The following B2M variants were observed in gnomAD, a reference collection of about 807,000 sequenced individuals.
The protein encoded by B2M is beta chain of MHC class I molecules.
B2M carries 3 observed loss-of-function variants against 14.5 expected under a neutral mutation model. The observed-to-expected ratio is 0.21, with a 90% CI of 0.09 to 0.53. B2M has a LOEUF of 0.53. Ranked by LOEUF, B2M falls within the 20% of genes least tolerant of loss-of-function variation. The probability of loss-of-function intolerance (pLI) is 0.95; values close to 1 mark genes in which losing one functional copy is unlikely to be tolerated. For synonymous variants in B2M, 45 were observed against 52.7 expected, an observed-to-expected ratio of 0.85 and a Z score of 0.64; for missense variants, 107 against 140.8, an observed-to-expected ratio of 0.76 and a Z score of 1.21.
In B2M at chr15:44,711,523, G is replaced by A. The variant is rs2086863629; in HGVS notation, c.-24G>A. On this transcript the variant is annotated 5_prime_UTR_variant, in exon 1 of 4. Coordinates refer to ENST00000648006, the MANE Select transcript of B2M (RefSeq NM_004048.4). ...AGGCGTCGCGCTGGCGGGCATTCCTGAAGCTGACAGCATTCGGGCCGAGAT... is the reference window on the plus strand; with the variant it reads ...AGGCGTCGCGCTGGCGGGCATTCCTAAAGCTGACAGCATTCGGGCCGAGAT... 1.2e-6 allele frequency: 2 copies of A among 1,613,270 alleles called. No individual in the cohort carries two copies. Among genetic ancestry groups the A allele is most frequent in the East Asian group, 2.2e-5 (1 of 44,882 alleles).
rs1440025860 is a variant in B2M at position 44,711,578 on chromosome 15, C to T, written c.32C>T (p.Ala11Val). The T allele has an allele frequency of 6.2e-7, 1 of 1,613,928 alleles. No individual in the cohort carries two copies. The highest frequency in any genetic ancestry group is 1.7e-5 in the Admixed American group (1 of 60,026). The change falls in exon 1 of 4, where the codon GCG becomes GTG. Residue 11 changes from alanine to valine, a missense_variant. Coordinates refer to ENST00000648006, the MANE Select transcript of B2M (RefSeq NM_004048.4). ...CGCTCCGTGGCCTTAGCTGTGCTCG[C>T]GCTACTCTCTCTTTCTGGCCTGGAG... MSRSVALAVL[A>V]LLSLSGLEAI...
chr15:44,712,648 T>C (rs2141286275), intron 1 of B2M: 1 of 152,426 alleles, frequency 6.6e-6, no homozygotes, highest in Middle Eastern at 3.4e-3. Flanking sequence ...GGGCTTCCTC[T>C]TTGGCTCTTT....
rs1167109536 is a variant in B2M at position 44,711,628 on chromosome 15, C to T, written c.67+15C>T. 6.2e-7 allele frequency: 1 copy of T among 1,610,212 alleles called. No individual in the cohort carries two copies. The highest frequency in any genetic ancestry group is 8.5e-7 in the Non-Finnish European group (1 of 1,177,182). On this transcript the variant is annotated intron_variant, in intron 1 of 3. Transcript: ENST00000648006. ...GGCTATCCAGCGTGAGTCTCTCCTA[C>T]CCTCCCGCTCTGGTCCTTCCTCTCC...
rs369619235 is a variant in B2M, at chr15:44,716,579, G to A, written c.*14+223G>A. 1,119 of 585,152 alleles carry A rather than the reference G, an allele frequency of 1.9e-3. 26 individuals carry two copies. The South Asian group carries it at 0.023, about 12-fold the overall frequency. 36.2% of individuals were successfully genotyped at this position (585,152 alleles called of 1,614,324 possible). A position where few individuals can be genotyped will look rare whatever the true frequency, so the allele number is the denominator to read the frequency against. ...CATATTACTGACCCTCTACAGAGAG[G>A]GCAAAGGAACTGCCAGTATGGTATT... On this transcript the variant is annotated intron_variant, in intron 3 of 3. Transcript: ENST00000648006.
intron 1 of B2M, 171 bp from the exon 2 acceptor site, chr15:44,715,252 T>C: frequency 1.4e-6 from 1 of 730,920 alleles, no homozygotes; most frequent in Non-Finnish European, 2.4e-6. Flanking sequence ...TTCTTCAAAA[T>C]GGAGGTGGCT....
At position 44,716,055 on chromosome 15, in the gene B2M, A is replaced by G. The variant is rs1039610928; in HGVS notation, c.347-274A>G. Reference sequence around the variant, plus strand: ...CAGGTATATTTAGCACTGAACGAACATCTCAAGAAGGTATAGGCCTTTGTT... The same window carrying G: ...CAGGTATATTTAGCACTGAACGAACGTCTCAAGAAGGTATAGGCCTTTGTT... On this transcript the variant is annotated intron_variant, in intron 2 of 3. Coordinates refer to ENST00000648006, the MANE Select transcript of B2M (RefSeq NM_004048.4). 52 of 602,602 alleles carry G rather than the reference A, an allele frequency of 8.6e-5. No individual in the cohort carries two copies. The African/African-American group carries it at 9.5e-4, about 11-fold the overall frequency. 37.3% of individuals were successfully genotyped at this position (602,602 alleles called of 1,614,324 possible). A position where few individuals can be genotyped will look rare whatever the true frequency, so the allele number is the denominator to read the frequency against.
rs185185288 is a variant in B2M at position 44,711,632 on chromosome 15, C to T, written c.67+19C>T. On this transcript the variant is annotated intron_variant, in intron 1 of 3. Coordinates refer to ENST00000648006, the MANE Select transcript of B2M (RefSeq NM_004048.4). The stretch of plus-strand genomic sequence containing the variant: ...ATCCAGCGTGAGTCTCTCCTACCCT[C>T]CCGCTCTGGTCCTTCCTCTCCCGCT... The T allele has an allele frequency of 1.7e-4, 268 of 1,609,224 alleles. No individual in the cohort carries two copies. The African/African-American group carries it at 3.3e-3, about 20-fold the overall frequency.
In B2M at chr15:44,715,617, AC is replaced by A; in HGVS notation, c.263del (p.Thr88MetfsTer15). 1 of 1,614,150 alleles carries A rather than the reference AC, an allele frequency of 6.2e-7. No homozygotes were observed. Among genetic ancestry groups the A allele is most frequent in the Non-Finnish European group, 8.5e-7 (1 of 1,180,018 alleles). ...KDWSFYLLYYTEFTPTEKDEY... is the reference protein window; with the variant it reads ...KDWSFYLLYYXEFTPTEKDEY... ...CTGGTCTTTCTATCTCTTGTACTAC[AC>A]TGAATTCACCCCCACTGAAAAAGAT... On this transcript the variant is annotated frameshift_variant, in exon 2 of 4. Transcript: ENST00000648006. LOFTEE classifies it high-confidence loss of function.
At chr15:44,716,082 G>T (rs368751324) in intron 2 of B2M, 1 of 608,894 alleles carries the variant, frequency 1.6e-6, no homozygotes, top group Middle Eastern at 4.4e-4. Context: ...GCCTTTGTTT[G>T]TAAGTCCTGC....
At chr15:44,716,285 A>G (rs372385820) in intron 2 of B2M, 44 bp from the exon 3 acceptor site, 186 of 1,592,954 alleles carry the variant, frequency 1.2e-4, no homozygotes, top group Non-Finnish European at 1.4e-4. Context: ...TTTAAAAGTA[A>G]AACTTAATGT....
chr15:44,715,628 C>T lies in B2M; in HGVS notation c.273C>T (p.Thr91=). The part of the protein sequence containing the change: ...SFYLLYYTEF[T]PTEKDEYACR... ...ATCTCTTGTACTACACTGAATTCAC[C>T]CCCACTGAAAAAGATGAGTATGCCT... The change falls in exon 2 of 4, where the codon ACC becomes ACT. Residue 91 remains threonine (T), a synonymous_variant. Transcript: ENST00000648006. 20 of 1,614,080 alleles carry T rather than the reference C, an allele frequency of 1.2e-5. No homozygotes were observed. The highest frequency in any genetic ancestry group is 1.7e-5 in the Non-Finnish European group (20 of 1,179,978).
intron 3 of B2M, 198 bp downstream of exon 3, chr15:44,716,554 C>G: frequency 3.2e-6 from 2 of 630,336 alleles, no homozygotes; most frequent in East Asian, 2.7e-5. Context: ...CAGGTATGGC[C>G]ATATTACTGA....
chr15:44,711,553 C>A lies in B2M; in HGVS notation c.7C>A (p.Arg3Ser), dbSNP rs765817584. The change falls in exon 1 of 4, where the codon CGC (arginine) becomes AGC (serine). Residue 3 changes from arginine (R) to serine (S), a missense_variant. By Grantham distance (110) the Arg-to-Ser change is moderately radical. Transcript: ENST00000648006. MSRSVALAVLALL... is the reference protein window; with the variant it reads MSSSVALAVLALL... ...TGACAGCATTCGGGCCGAGATGTCT[C>A]GCTCCGTGGCCTTAGCTGTGCTCGC... The A allele has an allele frequency of 1.2e-6, 2 of 1,613,826 alleles. No individual in the cohort carries two copies. Among genetic ancestry groups the A allele is most frequent in the African/African-American group, 1.3e-5 (1 of 75,048 alleles).
intron 3 of B2M, chr15:44,716,624 T>A (rs2086944604): frequency 3.8e-6 from 2 of 521,634 alleles, no homozygotes; most frequent in Non-Finnish European, 3.4e-6. Context: ...AGGCAGGTGG[T>A]TACCCACATT....
At chr15:44,715,781 G>C (rs113588976) in intron 2 of B2M, 80 bp downstream of exon 2, 1 of 1,549,330 alleles carries the variant, frequency 6.5e-7, no homozygotes, top group Non-Finnish European at 8.9e-7. Flanking sequence ...ATATAAAAAA[G>C]GTCTATGGCC....
Position 44,716,365 on chromosome 15 carries a change from T to C in B2M, c.*14+9T>C, listed in dbSNP as rs2086941788. On this transcript the variant is annotated intron_variant, in intron 3 of 3. Coordinates refer to ENST00000648006, the MANE Select transcript of B2M (RefSeq NM_004048.4). ...TAAGCAGCATCATGGAGGTAAGTTTTTGACCTTGAGAAAATGTTTTTGTTT... is the reference window on the plus strand; with the variant it reads ...TAAGCAGCATCATGGAGGTAAGTTTCTGACCTTGAGAAAATGTTTTTGTTT... The C allele has an allele frequency of 6.2e-7, 1 of 1,608,064 alleles. No homozygotes were observed.
intron 2 of B2M, 137 bp downstream of exon 2, chr15:44,715,838 A>T: frequency 9.3e-7 from 1 of 1,080,526 alleles, no homozygotes. Flanking sequence ...AACAATCTGC[A>T]TATTGGGATT....
chr15:44,712,035 G>T, intron 1 of B2M: 1 of 293,408 alleles, frequency 3.4e-6, no homozygotes, highest in Non-Finnish European at 6.7e-6. Flanking sequence ...GTGAACGCGT[G>T]GAGGGGCGCT....
chr15:44,716,981 T>C (rs938512596), intron 3 of B2M: 1 of 152,684 alleles, frequency 6.5e-6, no homozygotes, highest in African/African-American at 2.4e-5. Context: ...GAAATTCTAC[T>C]GCCCAGGGTA....
Sources: gnomAD v4.1 joint callset for allele counts on GRCh38, gnomAD v4.1.1 for gene constraint, MANE v1.5 for transcripts, NCBI Gene and HGNC (gene_info 2026-07-23, HGNC 2026-07-21) for gene names.